The following RBM12 variants were observed in gnomAD, a reference collection of about 807,000 sequenced individuals.
The protein encoded by RBM12 is RNA binding motif protein 12.
Under a neutral mutation model 37.2 loss-of-function variants are expected in RBM12, and 24 were observed. The observed-to-expected ratio is 0.65, with a 90% CI of 0.47 to 0.91. The LOEUF is 0.91. RBM12 is among the 40% of genes least tolerant of loss of function. RBM12 has a pLI of 0.00. For missense variants in RBM12, 1,061 were observed against 1,183.2 expected, an observed-to-expected ratio of 0.90 and a Z score of 1.52; for synonymous variants, 420 against 425.2, an observed-to-expected ratio of 0.99 and a Z score of 0.15.
rs2033478911 is a variant in RBM12 at position 35,651,058 on chromosome 20, C to T, written c.*1466G>A. On this transcript the variant is annotated 3_prime_UTR_variant, in exon 3 of 3. Coordinates refer to ENST00000374114, the MANE Select transcript of RBM12 (RefSeq NM_006047.6). ...TAGGGAAAGTAACCATAACTAGAGC[C>T]CTGTAAGGCCAAGTTTTTCATCACA... The T allele has an allele frequency of 6.6e-6, 1 of 152,096 alleles. No homozygotes were observed. The highest frequency in any genetic ancestry group is 1.5e-5 in the Non-Finnish European group (1 of 67,986). The allele number at this position is 152,096 out of a possible 1,614,324, so 9.4% of individuals were successfully genotyped here.
intron 1 of RBM12, among the ~76,000 whole-genome samples, chr20:35,661,856 A>G (rs187451126): frequency 1.4e-4 from 22 of 152,344 alleles, no homozygotes; most frequent in African/African-American, 4.3e-4. Flanking sequence ...TCTTTAATCA[A>G]CAAGAACCAG....
At position 35,654,542 on chromosome 20, in the gene RBM12, C is replaced by A. The variant is rs759609002; in HGVS notation, c.781G>T (p.Gly261Cys). Residue 261 changes from glycine to cysteine, a missense_variant, in exon 3 of 3, where the codon GGC (glycine) becomes TGC (cysteine). Physicochemically the swap from Gly to Cys is radical, Grantham distance 159. Transcript: ENST00000374114. ...PVAPLPAGMNGSGAPMNLNNN... is the reference protein window; with the variant it reads ...PVAPLPAGMNCSGAPMNLNNN... Reference sequence around the variant, plus strand: ...TTCAAATTCATAGGTGCTCCAGAGCCATTCATTCCAGCAGGTAGAGGTGCC... The same window carrying A: ...TTCAAATTCATAGGTGCTCCAGAGCAATTCATTCCAGCAGGTAGAGGTGCC... 1 of 1,614,206 alleles carries A rather than the reference C, an allele frequency of 6.2e-7. No homozygotes were observed. Among genetic ancestry groups the A allele is most frequent in the Non-Finnish European group, 8.5e-7 (1 of 1,180,036 alleles).
chr20:35,655,245 C>T lies in RBM12; in HGVS notation c.78G>A (p.Leu26=), dbSNP rs2033825951. ...TATGCACGCCCCCATCAGGAATGGT[C>T]AATCCAGAGAAGAAGTGGCGAATGT... ...TMDIRHFFSG[L]TIPDGGVHIV... The change falls in exon 3 of 3, where the codon TTG becomes TTA. Residue 26 remains leucine, a synonymous_variant. Transcript: ENST00000374114. 1 of 1,613,872 alleles carries T rather than the reference C, an allele frequency of 6.2e-7. No homozygotes were observed. Among genetic ancestry groups the T allele is most frequent in the South Asian group, 1.1e-5 (1 of 91,056 alleles).
chr20:35,663,599 G>A (rs1363294040), intron 1 of RBM12, among the ~76,000 whole-genome samples: 1 of 152,138 alleles, frequency 6.6e-6, no homozygotes, highest in Non-Finnish European at 1.5e-5. Flanking sequence ...GAGCCAAGGA[G>A]GGTTTTAGGG....
chr20:35,652,505 T>TA lies in RBM12; in HGVS notation c.*18dup. The TA allele has an allele frequency of 6.3e-7, 1 of 1,597,476 alleles. No individual in the cohort carries two copies. Among genetic ancestry groups the TA allele is most frequent in the Non-Finnish European group, 8.5e-7 (1 of 1,172,946 alleles). On this transcript the variant is annotated 3_prime_UTR_variant, in exon 3 of 3. Transcript: ENST00000374114. Reference sequence around the variant, plus strand: ...CACAGCAATATGAAGATCTACCCTATAAAAAATGATGTGAATGGCTACCCT... The same window carrying TA: ...CACAGCAATATGAAGATCTACCCTATAAAAAAATGATGTGAATGGCTACCCT...
chr20:35,660,894 A>G (rs1440965276), intron 1 of RBM12, among the ~76,000 whole-genome samples: 1 of 152,204 alleles, frequency 6.6e-6, no homozygotes, highest in Non-Finnish European at 1.5e-5. Flanking sequence ...CAGCCAGTTA[A>G]GCTCAAAGGG....
At position 35,654,512 on chromosome 20, in the gene RBM12, T is replaced by G. The variant is rs1203298336; in HGVS notation, c.811A>C (p.Asn271His). 6.2e-7 allele frequency: 1 copy of G among 1,614,194 alleles called. No individual in the cohort carries two copies. The highest frequency in any genetic ancestry group is 8.5e-7 in the Non-Finnish European group (1 of 1,180,040). Residue 271 changes from asparagine to histidine, a missense_variant, in exon 3 of 3, where the codon AAT (asparagine) becomes CAT (histidine). Physicochemically the swap from Asn to His is moderately conservative, Grantham distance 68. Transcript: ENST00000374114. The stretch of plus-strand genomic sequence containing the variant: ...GGACCAAGAAACATAGGATTCAGAT[T>G]ATTGTTCAAATTCATAGGTGCTCCA... The part of the protein sequence containing the change: ...GSGAPMNLNN[N>H]LNPMFLGPLN...
At chr20:35,664,497 C>T (rs1331318364) in intron 1 of RBM12, 1 of 152,334 alleles carries the variant, frequency 6.6e-6, no homozygotes, top group African/African-American at 2.4e-5. Context: ...CTGGCCTGCC[C>T]CCTCTCAGAC....
At chr20:35,662,879 CAATT>C (rs2034311783) in intron 1 of RBM12, among the ~76,000 whole-genome samples, 1 of 152,152 alleles carries the variant, frequency 6.6e-6, no homozygotes, top group Admixed American at 6.5e-5. Context: ...AGTAACCACA[CAATT>C]ATTTCTAAAG....
Position 35,654,631 on chromosome 20 carries a change from G to A in RBM12, c.692C>T (p.Ser231Phe). 6.2e-7 allele frequency: 1 copy of A among 1,614,204 alleles called. No homozygotes were observed. Among genetic ancestry groups the A allele is most frequent in the Non-Finnish European group, 8.5e-7 (1 of 1,180,036 alleles). ...PPVPPIPPVPSVPPMTPLPPM... is the reference protein window; with the variant it reads ...PPVPPIPPVPFVPPMTPLPPM... ...TGGCAGTGGGGTCATGGGTGGCACA[G>A]AAGGAACTGGGGGAATCGGGGGCAC... is the stretch of plus-strand genomic sequence containing the variant. The change falls in exon 3 of 3, where the codon TCT (serine) becomes TTT (phenylalanine). Residue 231 changes from serine to phenylalanine, a missense_variant. Physicochemically the swap from Ser to Phe is radical, Grantham distance 155. Around this residue, in one of 3 missense-constraint regions of RBM12, gnomAD observed 540 missense variants for 632.7 expected, o/e 0.85. Transcript: ENST00000374114.
At chr20:35,656,401 T>C (rs1305977409) in intron 2 of RBM12, among the ~76,000 whole-genome samples, 1 of 152,218 alleles carries the variant, frequency 6.6e-6, no homozygotes, top group African/African-American at 2.4e-5. Context: ...CAAAGGCTTC[T>C]AAGAGCAAAT....
At position 35,651,061 on chromosome 20, in the gene RBM12, G is replaced by T. The variant is rs2033479287; in HGVS notation, c.*1463C>A. 1 of 152,230 alleles carries T rather than the reference G, an allele frequency of 6.6e-6. No homozygotes were observed. The highest frequency in any genetic ancestry group is 1.5e-5 in the Non-Finnish European group (1 of 68,002). The allele number at this position is 152,230 out of a possible 1,614,324, so 9.4% of individuals were successfully genotyped here. On this transcript the variant is annotated 3_prime_UTR_variant, in exon 3 of 3. Transcript: ENST00000374114. ...GGAAAGTAACCATAACTAGAGCCCT[G>T]TAAGGCCAAGTTTTTCATCACAAGG...
chr20:35,652,810 A>T lies in RBM12; in HGVS notation c.2513T>A (p.Ile838Asn). ...GPGPGPGPGP[I>N]HIGGPPGFAS... Reference sequence around the variant, plus strand: ...AAAGCCAGGGGGACCACCAATATGGATTGGGCCAGGGCCGGGGCCGGGGCC... The same window carrying T: ...AAAGCCAGGGGGACCACCAATATGGTTTGGGCCAGGGCCGGGGCCGGGGCC... The change falls in exon 3 of 3, where the codon ATC becomes AAC. Residue 838 changes from isoleucine to asparagine, a missense_variant. Coordinates refer to ENST00000374114, the MANE Select transcript of RBM12 (RefSeq NM_006047.6). The T allele has an allele frequency of 6.3e-7, 1 of 1,592,954 alleles. No individual in the cohort carries two copies. The highest frequency in any genetic ancestry group is 8.6e-7 in the Non-Finnish European group (1 of 1,167,402).
intron 2 of RBM12, among the ~76,000 whole-genome samples, chr20:35,658,512 GCA>G (rs2034034598): frequency 6.6e-6 from 1 of 152,118 alleles, no homozygotes; most frequent in African/African-American, 2.4e-5. Flanking sequence ...TGTAATCCCA[GCA>G]CTTTGGGAGG....
intron 2 of RBM12, 91 bp downstream of exon 2, chr20:35,658,839 A>ACACAC: frequency 6.2e-6 from 4 of 646,276 alleles, no homozygotes; most frequent in South Asian, 3.4e-5. Flanking sequence ...ACACACACAC[A>ACACAC]ATATAGTTGC....
At chr20:35,660,916 T>C (rs1353420748) in intron 1 of RBM12, among the ~76,000 whole-genome samples, 1 of 152,176 alleles carries the variant, frequency 6.6e-6, no homozygotes, top group Admixed American at 6.5e-5. Flanking sequence ...ACTCACCAGG[T>C]CTACTCTCAA....
chr20:35,654,564 T>C lies in RBM12; in HGVS notation c.759A>G (p.Ala253=). The change falls in exon 3 of 3, where the codon GCA becomes GCG. Residue 253 remains alanine (A), a synonymous_variant. Transcript: ENST00000374114. ...AGCCATTCATTCCAGCAGGTAGAGG[T>C]GCCACAGGTGGCGGATTCAAGGGCG... ...GMPPLNPPPV[A]PLPAGMNGSG... The C allele has an allele frequency of 6.2e-7, 1 of 1,614,174 alleles. No homozygotes were observed. The highest frequency in any genetic ancestry group is 8.5e-7 in the Non-Finnish European group (1 of 1,180,036).
At position 35,653,795 on chromosome 20, in the gene RBM12, T is replaced by C. The variant is rs1418411698; in HGVS notation, c.1528A>G (p.Met510Val). 1 of 1,613,872 alleles carries C rather than the reference T, an allele frequency of 6.2e-7. No individual in the cohort carries two copies. The highest frequency in any genetic ancestry group is 8.5e-7 in the Non-Finnish European group (1 of 1,180,044). Reference sequence around the variant, plus strand: ...CGAATCATATCTATCTTTTCTAGCATACCTTTCTTAGTAATTGGATGAACT... The same window carrying C: ...CGAATCATATCTATCTTTTCTAGCACACCTTTCTTAGTAATTGGATGAACT... ...IQVHPITKKG[M>V]LEKIDMIRKR... Residue 510 changes from methionine (M) to valine (V), a missense_variant, in exon 3 of 3, where the codon ATG becomes GTG. Physicochemically the swap from Met to Val is conservative, Grantham distance 21. Transcript: ENST00000374114.
chr20:35,657,119 A>G (rs1355901031), intron 2 of RBM12, among the ~76,000 whole-genome samples: 2 of 152,226 alleles, frequency 1.3e-5, no homozygotes, highest in African/African-American at 4.8e-5. Context: ...TAATCCAGAA[A>G]AATGGACTAG....
Sources: gnomAD v4.1 joint callset for allele counts (sites outside exome capture counted in the v4.1 genomes callset) on GRCh38, gnomAD v4.1.1 for gene constraint, gnomAD v4.1.1 regional missense constraint, MANE v1.5 for transcripts, NCBI Gene and HGNC (gene_info 2026-07-23, HGNC 2026-07-21) for gene names.